ZSWIM6: variants seen among roughly 807,000 people sequenced by gnomAD.
ZSWIM6 encodes zinc finger SWIM domain-containing protein 6.
Under a neutral mutation model 113.2 loss-of-function variants are expected in ZSWIM6, and 9 were observed. The observed-to-expected ratio is 0.08, with a 90% confidence interval of 0.05 to 0.14. ZSWIM6 has a LOEUF of 0.14. Among genes scored for constraint, ZSWIM6 ranks in the 10% least tolerant of loss-of-function variants. The pLI is 1.00. For missense variants in ZSWIM6, 1,162 were observed against 1,552.2 expected (o/e 0.75, Z 4.22); for synonymous variants, 611 against 606.5 (o/e 1.01, Z -0.11).
intron 1 of ZSWIM6, among the ~76,000 whole-genome samples, chr5:61,454,567 GTTT>G (rs35249460): frequency 1.6e-5 from 2 of 128,244 alleles, no homozygotes; most frequent in Non-Finnish European, 3.2e-5. Flanking sequence ...CTATCCCTAA[GTTT>G]TTTTTTTTTT....
chr5:61,372,449 AT>A (rs1273530400), intron 1 of ZSWIM6, among the ~76,000 whole-genome samples: 2 of 152,128 alleles, frequency 1.3e-5, no homozygotes, highest in African/African-American at 4.8e-5. Flanking sequence ...TCTTCATCTT[AT>A]TTGACAACTC....
intron 1 of ZSWIM6, among the ~76,000 whole-genome samples, chr5:61,367,706 G>T (rs1285207246): frequency 6.6e-6 from 1 of 152,156 alleles, no homozygotes; most frequent in African/African-American, 2.4e-5. Context: ...AGAACAGGTA[G>T]ATCACAGAGG....
chr5:61,494,918 G>T (rs1224939630), intron 4 of ZSWIM6, among the ~76,000 whole-genome samples: 2 of 152,032 alleles, frequency 1.3e-5, no homozygotes, highest in Admixed American at 1.3e-4. Context: ...CTAAATTCCT[G>T]GTGGTTAAAG....
chr5:61,451,771 A>AT (rs1385866732), intron 1 of ZSWIM6, among the ~76,000 whole-genome samples: 19 of 152,290 alleles, frequency 1.2e-4, no homozygotes, highest in Admixed American at 1.3e-4. Flanking sequence ...TATTTTCTAG[A>AT]TTCATTCAAG....
rs1034372494 is a variant in ZSWIM6, at chr5:61,431,991, A to G, written c.677-40690A>G. On this transcript the variant is annotated intron_variant, in intron 1 of 13. Coordinates refer to ENST00000252744, the MANE Select transcript of ZSWIM6 (RefSeq NM_020928.2). ...TTTCTCCTTTCTGTTTTTTTGAACT[A>G]CATTAGCCATTCACAGAACAGAAGC... 9.2e-5 allele frequency among the ~76,000 whole-genome samples: 14 copies of G among 152,116 alleles called. 1 individual carries two copies. The East Asian group carries it at 2.7e-3, about 29-fold the overall frequency.
At chr5:61,512,786 G>C (rs1748825551) in intron 4 of ZSWIM6, among the ~76,000 whole-genome samples, 1 of 151,986 alleles carries the variant, frequency 6.6e-6, no homozygotes, top group Admixed American at 6.6e-5. Flanking sequence ...TTGGTAAAAT[G>C]TCTTTCTGAA....
intron 1 of ZSWIM6, among the ~76,000 whole-genome samples, chr5:61,439,480 AGAACAAT>A (rs1475214730): frequency 6.6e-6 from 1 of 152,244 alleles, no homozygotes; most frequent in Non-Finnish European, 1.5e-5. Flanking sequence ...AAGTACATGT[AGAACAAT>A]GCATAAAACA....
intron 1 of ZSWIM6, among the ~76,000 whole-genome samples, chr5:61,461,639 TG>T (rs1426011843): frequency 1.3e-5 from 2 of 152,176 alleles, no homozygotes; most frequent in Admixed American, 6.5e-5. Flanking sequence ...GTGTTTGTAC[TG>T]GGGGTGTGGT....
chr5:61,348,489 G>A (rs117978463), intron 1 of ZSWIM6, among the ~76,000 whole-genome samples: 2 of 152,076 alleles, frequency 1.3e-5, no homozygotes, highest in East Asian at 1.9e-4. Context: ...TCCTGTTAAA[G>A]ATAGGAAACA....
At position 61,332,704 on chromosome 5, in the gene ZSWIM6, C is replaced by G. The variant is rs111974474; in HGVS notation, c.432C>G (p.Gly144=). 8 of 974,566 alleles carry G rather than the reference C, an allele frequency of 8.2e-6. No homozygotes were observed. The highest frequency in any genetic ancestry group is 9.7e-6 in the Non-Finnish European group (8 of 824,170). 60.4% of individuals were successfully genotyped at this position (974,566 alleles called of 1,614,324 possible). ...AGGPGDDSGG[G]GGAGGGGGGG... is the part of the protein sequence containing the mutation. Reference sequence around the variant, plus strand: ...GCCCCGGCGACGACAGCGGTGGCGGCGGCGGCGCGGGCGGCGGCGGCGGCG... The same window carrying G: ...GCCCCGGCGACGACAGCGGTGGCGGGGGCGGCGCGGGCGGCGGCGGCGGCG... Residue 144 remains glycine (G), a synonymous_variant, in exon 1 of 14, where the codon GGC becomes GGG. Transcript: ENST00000252744.
chr5:61,493,631 T>A (rs543511830), intron 3 of ZSWIM6, among the ~76,000 whole-genome samples: 1 of 152,270 alleles, frequency 6.6e-6, no homozygotes, highest in South Asian at 2.1e-4. Flanking sequence ...GATATTGTAT[T>A]TCTTTAGGCT....
intron 4 of ZSWIM6, among the ~76,000 whole-genome samples, chr5:61,496,621 G>A (rs556933295): frequency 6.6e-6 from 1 of 152,204 alleles, no homozygotes; most frequent in East Asian, 1.9e-4. Flanking sequence ...GTTTTCTGCA[G>A]GCTTCTGGCT....
chr5:61,439,555 T>G (rs1190668830), intron 1 of ZSWIM6, among the ~76,000 whole-genome samples: 2 of 152,236 alleles, frequency 1.3e-5, no homozygotes, highest in South Asian at 2.1e-4. Context: ...TATGTTTGCT[T>G]CTTTTATTCA....
At chr5:61,510,720 G>A (rs1748764128) in intron 4 of ZSWIM6, among the ~76,000 whole-genome samples, 1 of 152,120 alleles carries the variant, frequency 6.6e-6, no homozygotes, top group African/African-American at 2.4e-5. Flanking sequence ...GTGCTTTGAT[G>A]CCTTGAAGCC....
chr5:61,534,571 G>A (rs374511812), intron 9 of ZSWIM6, among the ~76,000 whole-genome samples: 44 of 152,248 alleles, frequency 2.9e-4, no homozygotes, highest in African/African-American at 9.9e-4. Context: ...GATGTTACCC[G>A]AAGGTAACAT....
chr5:61,410,088 T>C (rs1411499300), intron 1 of ZSWIM6, among the ~76,000 whole-genome samples: 1 of 152,108 alleles, frequency 6.6e-6, no homozygotes, highest in Non-Finnish European at 1.5e-5. Flanking sequence ...TTAGGCACAA[T>C]CACTGTGATT....
intron 2 of ZSWIM6, among the ~76,000 whole-genome samples, chr5:61,480,406 GGTTT>G (rs1747824803): frequency 6.6e-6 from 1 of 152,138 alleles, no homozygotes; most frequent in Admixed American, 6.6e-5. Flanking sequence ...AAAGGAAGGT[GGTTT>G]GTTGGGGGAG....
At chr5:61,387,851 C>G (rs888932881) in intron 1 of ZSWIM6, among the ~76,000 whole-genome samples, 2 of 149,786 alleles carry the variant, frequency 1.3e-5, no homozygotes, top group Non-Finnish European at 3.0e-5. Context: ...GTGGAGGTTG[C>G]AGTGAGCCGA....
chr5:61,398,731 G>T (rs1279589027), intron 1 of ZSWIM6, among the ~76,000 whole-genome samples: 1 of 151,994 alleles, frequency 6.6e-6, no homozygotes, highest in African/African-American at 2.4e-5. Context: ...TTTGATTTTA[G>T]GATTAAAGTA....
Sources: allele counts gnomAD v4.1 joint callset (sites outside exome capture counted in the v4.1 genomes callset), GRCh38; gene constraint gnomAD v4.1.1; transcripts MANE v1.5; gene names NCBI Gene and HGNC (gene_info 2026-07-23, HGNC 2026-07-21).